Variants in DAB1 observed in about 807,000 individuals in gnomAD.
DAB1 encodes DAB adaptor protein 1.
DAB1 carries 15 observed loss-of-function variants against 64.6 expected under a neutral mutation model. That is an observed-to-expected ratio of 0.23 (90% CI 0.16 to 0.36). The LOEUF (loss-of-function observed/expected upper bound fraction) is 0.36. DAB1 is among the 10% of genes least tolerant of loss of function. DAB1 has a pLI of 1.00. For synonymous variants in DAB1, 235 were observed against 251.9 expected (o/e 0.93, Z 0.64); for missense variants, 596 against 706.7 (o/e 0.84, Z 1.78).
chr1:57,908,817 T>A (rs1377022692), intron 5 of DAB1, among the ~76,000 whole-genome samples: 2 of 152,154 alleles, frequency 1.3e-5, no homozygotes, highest in Non-Finnish European at 2.9e-5. Flanking sequence ...TGGCTGCAAA[T>A]CATGGAGGCA....
chr1:57,392,802 T>G (rs1259666251), intron 1 of DAB1, among the ~76,000 whole-genome samples: 1 of 152,216 alleles, frequency 6.6e-6, no homozygotes, highest in African/African-American at 2.4e-5. Flanking sequence ...GCAATCTGCA[T>G]GTGGGACTGG....
At chr1:57,060,842 ATT>A (rs35361720) in intron 9 of DAB1, among the ~76,000 whole-genome samples, 1 of 148,276 alleles carries the variant, frequency 6.7e-6, no homozygotes, top group Admixed American at 6.7e-5. Context: ...AGGAGCTTGG[ATT>A]TTTTTTTTTT....
intron 7 of DAB1, among the ~76,000 whole-genome samples, chr1:57,643,599 A>G (rs944587241): frequency 1.3e-5 from 2 of 152,228 alleles, no homozygotes; most frequent in African/African-American, 2.4e-5. Flanking sequence ...GAACCACTAT[A>G]TATTTCATTT....
At chr1:58,234,994 G>A (rs2100361113) in intron 4 of DAB1, among the ~76,000 whole-genome samples, 1 of 152,324 alleles carries the variant, frequency 6.6e-6, no homozygotes, top group East Asian at 1.9e-4. Flanking sequence ...ACAGTGAACT[G>A]GGAAGAAAAT....
intron 3 of DAB1, among the ~76,000 whole-genome samples, chr1:58,473,545 AAAATAAATAAATAAAT>A (rs56211911): frequency 5.3e-4 from 65 of 122,636 alleles, no homozygotes; most frequent in East Asian, 2.6e-3. Context: ...CCGTCTCAAA[AAAATAAATAAATAAAT>A]AAATAAATAA....
chr1:57,880,912 T>C (rs1267256589), intron 1 of DAB1: 1 of 152,194 alleles, frequency 6.6e-6, no homozygotes. Context: ...AAAACCTCTA[T>C]TTTACTTGTT....
chr1:57,849,621 G>T (rs907483638), intron 1 of DAB1, among the ~76,000 whole-genome samples: 1 of 152,160 alleles, frequency 6.6e-6, no homozygotes, highest in Non-Finnish European at 1.5e-5. Flanking sequence ...AGGGCTTGAG[G>T]CATTAAGGAG....
At chr1:57,618,548 G>A (rs1645817208) in intron 7 of DAB1, among the ~76,000 whole-genome samples, 1 of 152,204 alleles carries the variant, frequency 6.6e-6, no homozygotes. Flanking sequence ...CATTTGAGAA[G>A]TGATTCCTAA....
At chr1:58,494,093 G>A (rs1212862302) in intron 3 of DAB1, among the ~76,000 whole-genome samples, 1 of 152,160 alleles carries the variant, frequency 6.6e-6, no homozygotes, top group Non-Finnish European at 1.5e-5. Flanking sequence ...GAACAGAACA[G>A]AGCCCTCAGA....
chr1:58,049,486 T>C (rs1440563513), intron 5 of DAB1, among the ~76,000 whole-genome samples: 3 of 152,202 alleles, frequency 2.0e-5, no homozygotes, highest in African/African-American at 7.2e-5. Context: ...AGGAATTGAT[T>C]GTGTCTGGTA....
At chr1:57,779,224 A>G (rs1026741726) in intron 6 of DAB1, among the ~76,000 whole-genome samples, 2 of 152,144 alleles carry the variant, frequency 1.3e-5, no homozygotes, top group Non-Finnish European at 2.9e-5. Flanking sequence ...AGTAAGAAGG[A>G]ATCAAGAATA....
At chr1:57,384,996 G>C (rs570389115) in intron 1 of DAB1, among the ~76,000 whole-genome samples, 2 of 152,298 alleles carry the variant, frequency 1.3e-5, no homozygotes, top group East Asian at 3.9e-4. Flanking sequence ...ACTCCCCCAT[G>C]CTATGACATG....
At chr1:57,914,332 A>T (rs1466567143) in intron 5 of DAB1, among the ~76,000 whole-genome samples, 1 of 151,632 alleles carries the variant, frequency 6.6e-6, no homozygotes, top group East Asian at 1.9e-4. Context: ...TTCTCAGCAA[A>T]CTACCACAAG....
At chr1:58,015,285 C>T (rs1646722595) in intron 5 of DAB1, among the ~76,000 whole-genome samples, 1 of 152,182 alleles carries the variant, frequency 6.6e-6, no homozygotes, top group African/African-American at 2.4e-5. Flanking sequence ...TTTACATCTC[C>T]TGAACCTCTC....
At chr1:57,917,185 C>G (rs1005571578) in intron 5 of DAB1, among the ~76,000 whole-genome samples, 1 of 152,196 alleles carries the variant, frequency 6.6e-6, no homozygotes, top group African/African-American at 2.4e-5. Flanking sequence ...TTCCCCTCCC[C>G]TCCCCATGAG....
rs1659037161 is a variant in DAB1, at chr1:57,145,517, T to G, written c.68-88A>C. The G allele has an allele frequency of 6.4e-6, 9 of 1,400,192 alleles. 1 individual carries two copies. The South Asian group carries it at 1.0e-4, about 16-fold the overall frequency. 86.7% of individuals were successfully genotyped at this position (1,400,192 alleles called of 1,614,324 possible). ...CACAATTCCAAGATCCGCTGTCTGGTTTCATCTACATTCCCGGAAAGTCAA... is the reference window on the plus strand; with the variant it reads ...CACAATTCCAAGATCCGCTGTCTGGGTTCATCTACATTCCCGGAAAGTCAA... On this transcript the variant is annotated intron_variant, in intron 2 of 14. Transcript: ENST00000371236.
chr1:58,365,298 G>C (rs751499185), intron 3 of DAB1, among the ~76,000 whole-genome samples: 3 of 152,190 alleles, frequency 2.0e-5, no homozygotes, highest in African/African-American at 7.2e-5. Context: ...CTCCACAAGA[G>C]AGTCATAGTA....
chr1:57,033,772 T>C (rs1157027621), intron 9 of DAB1, among the ~76,000 whole-genome samples: 2 of 152,196 alleles, frequency 1.3e-5, no homozygotes, highest in African/African-American at 2.4e-5. Context: ...GATTAGGAAA[T>C]ACAGCAATGG....
intron 3 of DAB1, among the ~76,000 whole-genome samples, chr1:58,486,859 A>G (rs908214776): frequency 1.3e-5 from 2 of 152,176 alleles, no homozygotes; most frequent in Non-Finnish European, 2.9e-5. Context: ...TGGGGGACAT[A>G]CCCTGGTCTT....
Sources: allele counts gnomAD v4.1 joint callset (sites outside exome capture counted in the v4.1 genomes callset), GRCh38; gene constraint gnomAD v4.1.1; transcripts MANE v1.5; gene names NCBI Gene and HGNC (gene_info 2026-07-23, HGNC 2026-07-21).